CNTNAP2: variants seen among roughly 807,000 people sequenced by gnomAD.
CNTNAP2 encodes the protein contactin associated protein 2.
CNTNAP2 carries 98 observed loss-of-function variants against 155.2 expected under a neutral mutation model. That is an observed-to-expected ratio of 0.63 (90% confidence interval 0.54 to 0.75). The LOEUF is 0.75. CNTNAP2 is among the 30% of genes least tolerant of loss of function. The probability of loss-of-function intolerance (pLI) is 0.00; values close to 1 mark genes in which losing one functional copy is unlikely to be tolerated. For missense variants in CNTNAP2, 1,727 were observed against 1,688.1 expected, an observed-to-expected ratio of 1.02 and a Z score of -0.40; for synonymous variants, 651 against 631.2, an observed-to-expected ratio of 1.03 and a Z score of -0.47.
At chr7:146,911,100 T>A (rs201808983) in intron 3 of CNTNAP2, among the ~76,000 whole-genome samples, 3 of 151,850 alleles carry the variant, frequency 2.0e-5, no homozygotes, top group African/African-American at 4.9e-5. Context: ...TCAAAACCAC[T>A]ATGAGATATC....
At chr7:146,390,843 C>T (rs904045600) in intron 1 of CNTNAP2, among the ~76,000 whole-genome samples, 13 of 137,772 alleles carry the variant, frequency 9.4e-5, no homozygotes, top group African/African-American at 1.3e-4. Context: ...CCGAGGTGGG[C>T]GGATCAAGGG....
rs367568270 is a variant in CNTNAP2 at position 147,524,784 on chromosome 7, G to T, written c.1778-37354G>T. Among the ~76,000 whole-genome samples the T allele has an allele frequency of 8.5e-5, 13 of 152,292 alleles. 1 individual carries two copies. The highest frequency in any genetic ancestry group is 3.1e-4 in the African/African-American group (13 of 41,544). On this transcript the variant is annotated intron_variant, in intron 11 of 23. Transcript: ENST00000361727. Reference sequence around the variant, plus strand: ...CTCCACAGTGAGTCCCCAGGAGAGGGACCAGAGAATGGAGTAAAAACAAAG... The same window carrying T: ...CTCCACAGTGAGTCCCCAGGAGAGGTACCAGAGAATGGAGTAAAAACAAAG...
chr7:146,861,564 T>C (rs936200746), intron 3 of CNTNAP2, among the ~76,000 whole-genome samples: 1 of 152,024 alleles, frequency 6.6e-6, no homozygotes, highest in African/African-American at 2.4e-5. Flanking sequence ...CAAGTGTACA[T>C]TGCTGACACT....
At chr7:147,537,092 T>C (rs1306019411) in intron 11 of CNTNAP2, among the ~76,000 whole-genome samples, 1 of 152,188 alleles carries the variant, frequency 6.6e-6, no homozygotes, top group African/African-American at 2.4e-5. Flanking sequence ...TCTTTCACAA[T>C]ACACTTTAGC....
At chr7:148,246,219 T>C (rs1472908716) in intron 20 of CNTNAP2, among the ~76,000 whole-genome samples, 2 of 152,206 alleles carry the variant, frequency 1.3e-5, no homozygotes, top group African/African-American at 4.8e-5. Flanking sequence ...CAAAACCTAC[T>C]GGTAAAGTAA....
intron 17 of CNTNAP2, among the ~76,000 whole-genome samples, chr7:148,153,415 G>GA (rs1440524433): frequency 1.3e-5 from 2 of 152,044 alleles, no homozygotes; most frequent in African/African-American, 2.4e-5. Flanking sequence ...GACACAGAAA[G>GA]AAAAAAAGCA....
intron 18 of CNTNAP2, among the ~76,000 whole-genome samples, chr7:148,209,927 A>G (rs1040098091): frequency 3.3e-5 from 5 of 152,112 alleles, no homozygotes; most frequent in African/African-American, 4.8e-5. Context: ...GCCTTTGCAC[A>G]TGCTCTTTTC....
chr7:146,177,379 A>G (rs574185098), intron 1 of CNTNAP2, among the ~76,000 whole-genome samples: 137 of 152,352 alleles, frequency 9.0e-4, no homozygotes, highest in Non-Finnish European at 1.5e-3. Flanking sequence ...TGAAGAAAAA[A>G]AACAACAACA....
At chr7:146,888,167 C>A (rs1322123866) in intron 3 of CNTNAP2, among the ~76,000 whole-genome samples, 6 of 151,926 alleles carry the variant, frequency 3.9e-5, no homozygotes, top group South Asian at 2.1e-4. Flanking sequence ...TATAATATTT[C>A]TTTAAACAAT....
At chr7:146,821,577 C>A (rs953826290) in intron 2 of CNTNAP2, among the ~76,000 whole-genome samples, 13 of 152,032 alleles carry the variant, frequency 8.6e-5, no homozygotes, top group African/African-American at 3.1e-4. Flanking sequence ...ACTCATCTGA[C>A]AAAGGGCTAA....
At chr7:147,670,949 C>A (rs1025231260) in intron 13 of CNTNAP2, among the ~76,000 whole-genome samples, 20 of 152,236 alleles carry the variant, frequency 1.3e-4, no homozygotes, top group African/African-American at 4.8e-4. Flanking sequence ...CACTGTAACA[C>A]TCCCTCTGGA....
Position 147,334,441 on chromosome 7 carries a change from T to C in CNTNAP2, c.1498+34151T>C, listed in dbSNP as rs564829326. Reference sequence around the variant, plus strand: ...TCTTAGGGAAGCATTCTGGCTCTTATTATCATCTCTAATAACAACAATAAT... The same window carrying C: ...TCTTAGGGAAGCATTCTGGCTCTTACTATCATCTCTAATAACAACAATAAT... On this transcript the variant is annotated intron_variant, in intron 9 of 23. Coordinates refer to ENST00000361727, the MANE Select transcript of CNTNAP2 (RefSeq NM_014141.6). Among the ~76,000 whole-genome samples the C allele has an allele frequency of 1.1e-4, 17 of 152,342 alleles. 1 individual carries two copies. The South Asian group carries it at 1.5e-3, about 13-fold the overall frequency.
At chr7:146,743,423 C>A (rs1801753338) in intron 1 of CNTNAP2, among the ~76,000 whole-genome samples, 1 of 152,100 alleles carries the variant, frequency 6.6e-6, no homozygotes, top group Admixed American at 6.5e-5. Context: ...TGGAATTTGT[C>A]TTTGAATGCA....
chr7:147,702,695 T>C (rs896647559), intron 13 of CNTNAP2, among the ~76,000 whole-genome samples: 33 of 151,984 alleles, frequency 2.2e-4, no homozygotes, highest in Admixed American at 6.6e-4. Flanking sequence ...AAAAAGTGCT[T>C]CATCTCTCTT....
chr7:147,173,598 T>C (rs1360807335), intron 8 of CNTNAP2, among the ~76,000 whole-genome samples: 1 of 152,188 alleles, frequency 6.6e-6, no homozygotes, highest in Non-Finnish European at 1.5e-5. Flanking sequence ...GTATTTCGTC[T>C]ACTGACCCCC....
intron 13 of CNTNAP2, among the ~76,000 whole-genome samples, chr7:147,874,236 G>A (rs908328054): frequency 6.6e-6 from 1 of 152,204 alleles, no homozygotes; most frequent in Non-Finnish European, 1.5e-5. Flanking sequence ...CTGTGTGGGG[G>A]GTTCCAACCC....
intron 4 of CNTNAP2, among the ~76,000 whole-genome samples, chr7:147,106,378 A>T (rs907326612): frequency 6.6e-6 from 1 of 152,104 alleles, no homozygotes. Context: ...CAGCTGTGAC[A>T]GTATATAGGA....
At chr7:147,975,381 CAG>C (rs1801412187) in intron 14 of CNTNAP2, among the ~76,000 whole-genome samples, 1 of 151,868 alleles carries the variant, frequency 6.6e-6, no homozygotes, top group South Asian at 2.1e-4. Flanking sequence ...CATGGTTGTA[CAG>C]GGGTGTGTGT....
At chr7:146,962,209 T>G (rs1797569488) in intron 3 of CNTNAP2, among the ~76,000 whole-genome samples, 1 of 152,182 alleles carries the variant, frequency 6.6e-6, no homozygotes, top group African/African-American at 2.4e-5. Flanking sequence ...ATTAAGAGCT[T>G]CCAAAACAGT....
Sources: gnomAD v4.1 joint callset for allele counts (sites outside exome capture counted in the v4.1 genomes callset) on GRCh38, gnomAD v4.1.1 for gene constraint, MANE v1.5 for transcripts, NCBI Gene and HGNC (gene_info 2026-07-23, HGNC 2026-07-21) for gene names.